The following DGKH variants were observed in gnomAD, a reference collection of about 807,000 sequenced individuals.
The protein encoded by DGKH is DAG kinase eta.
Under a neutral mutation model 159.3 loss-of-function variants are expected in DGKH, and 90 were observed. The ratio of observed to expected loss-of-function variants is 0.57; its 90% CI spans 0.48 to 0.67. The LOEUF is 0.67. Ranked by LOEUF, DGKH falls within the 30% of genes least tolerant of loss-of-function variation. DGKH has a pLI of 0.00. For synonymous variants in DGKH, 536 were observed against 553.8 expected (o/e 0.97, Z 0.45); for missense variants, 1,181 against 1,506.1 (o/e 0.78, Z 3.57).
chr13:42,129,782 A>C, intron 3 of DGKH, 150 bp downstream of exon 3: 1 of 591,350 alleles, frequency 1.7e-6, no homozygotes, highest in Non-Finnish European at 2.9e-6. Flanking sequence ...TACACTGTAT[A>C]TTCTAACACC....
At chr13:42,192,822 C>A (rs347390) in intron 16 of DGKH, among the ~76,000 whole-genome samples, 1 of 151,984 alleles carries the variant, frequency 6.6e-6, no homozygotes, top group South Asian at 2.1e-4. Flanking sequence ...CCTTGTTGCA[C>A]CCATTTGGTC....
chr13:42,170,691 C>G (rs1433961039), intron 11 of DGKH, among the ~76,000 whole-genome samples: 6 of 151,900 alleles, frequency 3.9e-5, no homozygotes, highest in Non-Finnish European at 8.8e-5. Flanking sequence ...GCCTGTAATC[C>G]CAGCACTTTG....
chr13:42,165,137 A>G (rs1956279685), intron 7 of DGKH, among the ~76,000 whole-genome samples, 194 bp from the exon 8 acceptor site: 1 of 152,084 alleles, frequency 6.6e-6, no homozygotes, highest in South Asian at 2.1e-4. Context: ...GGTTGCATGG[A>G]CTAAAATCAA....
At chr13:42,144,911 A>G (rs932414947) in intron 3 of DGKH, among the ~76,000 whole-genome samples, 2 of 152,164 alleles carry the variant, frequency 1.3e-5, no homozygotes, top group African/African-American at 4.8e-5. Flanking sequence ...TTCCTAGTGA[A>G]TCCTTATTAC....
chr13:42,132,107 C>G (rs1955301598), intron 3 of DGKH, among the ~76,000 whole-genome samples: 1 of 152,122 alleles, frequency 6.6e-6, no homozygotes, highest in African/African-American at 2.4e-5. Flanking sequence ...AGGTTTTCCC[C>G]CAATCAACAT....
At chr13:42,228,564 C>T (rs554134891) in intron 29 of DGKH, among the ~76,000 whole-genome samples, 3 of 151,426 alleles carry the variant, frequency 2.0e-5, no homozygotes, top group Admixed American at 6.6e-5. Flanking sequence ...CCTGCTGTCC[C>T]GCATCATTTT....
At chr13:42,086,883 G>T (rs980199382) in intron 1 of DGKH, among the ~76,000 whole-genome samples, 5 of 152,280 alleles carry the variant, frequency 3.3e-5, no homozygotes, top group Non-Finnish European at 7.4e-5. Flanking sequence ...AGAGTTCAGA[G>T]TTTGAGGAGG....
chr13:42,140,926 T>TTTTTTA (rs936844309), intron 3 of DGKH: 2 of 151,128 alleles, frequency 1.3e-5, no homozygotes, highest in African/African-American at 4.9e-5. Context: ...TATTTTTTAT[T>TTTTTTA]TTTTTATTTT....
chr13:42,112,284 C>CCT (rs374132029), intron 1 of DGKH, among the ~76,000 whole-genome samples: 1 of 122,828 alleles, frequency 8.1e-6, no homozygotes. Flanking sequence ...AGCCTTGTGG[C>CCT]TTTTTTTTTT....
At chr13:42,123,714 A>C (rs1382417289) in intron 1 of DGKH, among the ~76,000 whole-genome samples, 3 of 152,244 alleles carry the variant, frequency 2.0e-5, no homozygotes, top group Admixed American at 2.0e-4. Context: ...AGATGTGCAC[A>C]TGAAAAATAA....
Position 42,234,142 on chromosome 13 carries a change from T to C in DGKH, c.*4954T>C, listed in dbSNP as rs976556839. The stretch of plus-strand genomic sequence containing the variant: ...GACCCCCAAATAACAGTTTACTTAA[T>C]TTTATAAGATTTTTCCCAATGAGAC... On this transcript the variant is annotated 3_prime_UTR_variant, in exon 30 of 30. Transcript: ENST00000337343. The C allele has an allele frequency of 5.4e-5, 1 of 18,500 alleles. No individual in the cohort carries two copies. Among genetic ancestry groups the C allele is most frequent in the East Asian group, 0.031 (1 of 32 alleles). The allele number at this position is 18,500 out of a possible 1,614,324, so 1.1% of individuals were successfully genotyped here.
At chr13:42,098,979 C>T (rs544696671) in intron 1 of DGKH, among the ~76,000 whole-genome samples, 2 of 152,138 alleles carry the variant, frequency 1.3e-5, no homozygotes, top group Non-Finnish European at 1.5e-5. Flanking sequence ...ATGCCAAATT[C>T]TATATTAGAC....
rs7324235 is a variant in DGKH, at chr13:42,190,428, C to G, written c.1938C>G (p.Pro646=). ...GKVMDDPTVH[P]CEPANQSSDY... is the part of the protein sequence containing the mutation. ...TTATGGATGACCCGACAGTTCACCC[C>G]TGTGAACCAGCTAATCAGTCCTCTG... Residue 646 remains proline, a synonymous_variant, in exon 16 of 30, where the codon CCC becomes CCG. Coordinates refer to ENST00000337343, the MANE Select transcript of DGKH (RefSeq NM_178009.5). 430,558 of 1,608,210 alleles carry G rather than the reference C, an allele frequency of 0.27. 60,383 individuals are homozygous for G. The highest frequency in any genetic ancestry group is 0.35 in the Admixed American group (20,371 of 58,932).
chr13:42,139,272 C>A (rs1483958964), intron 3 of DGKH, among the ~76,000 whole-genome samples: 1 of 152,200 alleles, frequency 6.6e-6, no homozygotes, highest in African/African-American at 2.4e-5. Context: ...AATGGGCTTT[C>A]TAAAGTAAGG....
chr13:42,085,718 A>T (rs1485266308), intron 1 of DGKH, among the ~76,000 whole-genome samples: 1 of 152,222 alleles, frequency 6.6e-6, no homozygotes. Context: ...CTTGAAGCTA[A>T]TATAGCCAGA....
intron 5 of DGKH, among the ~76,000 whole-genome samples, chr13:42,157,729 A>G (rs1956078479): frequency 6.6e-6 from 1 of 152,220 alleles, no homozygotes; most frequent in Non-Finnish European, 1.5e-5. Flanking sequence ...AAACATTTTC[A>G]GTGTGTATAC....
chr13:42,204,486 A>G (rs10492435), intron 20 of DGKH, among the ~76,000 whole-genome samples: 17,240 of 152,270 alleles, frequency 0.11, 1,227 homozygotes, highest in Non-Finnish European at 0.16. Flanking sequence ...GCCTTCATCC[A>G]TTACACCATT....
intron 1 of DGKH, among the ~76,000 whole-genome samples, chr13:42,082,983 T>C (rs2089175982): frequency 6.6e-6 from 1 of 152,226 alleles, no homozygotes; most frequent in Non-Finnish European, 1.5e-5. Context: ...AGGTTTATGC[T>C]AGAGGCTCTT....
At chr13:42,215,302 T>A (rs1957760728) in intron 25 of DGKH, among the ~76,000 whole-genome samples, 2 of 152,232 alleles carry the variant, frequency 1.3e-5, no homozygotes, top group African/African-American at 2.4e-5. Flanking sequence ...AATGGGAATA[T>A]GTATATGCTG....
Sources: allele counts gnomAD v4.1 joint callset (sites outside exome capture counted in the v4.1 genomes callset), GRCh38; gene constraint gnomAD v4.1.1; transcripts MANE v1.5; gene names NCBI Gene and HGNC (gene_info 2026-07-23, HGNC 2026-07-21).